The following TBXAS1 variants were observed in gnomAD, a reference collection of about 807,000 sequenced individuals.
TBXAS1 encodes the protein thromboxane-A synthase.
In TBXAS1, 48 loss-of-function variants were observed where a neutral mutation model predicts 60.7. The observed-to-expected ratio is 0.79, with a 90% CI of 0.63 to 1.01. The LOEUF (loss-of-function observed/expected upper bound fraction) is 1.01, where lower values mean the gene tolerates loss of function less well. Among genes scored for constraint, TBXAS1 ranks in the 50% least tolerant of loss-of-function variants. TBXAS1 has a pLI of 0.00. For missense variants in TBXAS1, 685 were observed against 686.3 expected, an observed-to-expected ratio of 1.00 and a Z score of 0.02; for synonymous variants, 287 against 269.7, an observed-to-expected ratio of 1.06 and a Z score of -0.63.
Position 139,905,088 on chromosome 7 carries a change from C to CCT in TBXAS1, c.237-6120_237-6119dup, listed in dbSNP as rs755696056. On this transcript the variant is annotated intron_variant, in intron 3 of 12. Coordinates refer to ENST00000448866, the MANE Select transcript of TBXAS1 (RefSeq NM_001061.7). ...CTCTCTCTCTCTCTTTCTCTTTCTC[C>CCT]CTCTCTCTCTCTCTCTCTTTCTTTC... 3.5e-3 allele frequency among the ~76,000 whole-genome samples: 364 copies of CCT among 105,386 alleles called. 3 individuals carry two copies. The highest frequency in any genetic ancestry group is 5.2e-3 in the Middle Eastern group (1 of 194). The allele number at this position is 105,386 out of a possible 152,430, so 69.1% of individuals were successfully genotyped here. A position where few individuals can be genotyped will look rare whatever the true frequency, so the allele number is the denominator to read the frequency against.
rs548880974 is a variant in TBXAS1 at position 139,984,358 on chromosome 7, G to T, written c.1134+22125G>T. On this transcript the variant is annotated intron_variant, in intron 9 of 12. Transcript: ENST00000448866. Reference sequence around the variant, plus strand: ...GCCATGTCAGAAACCTTAGATTCACGTCCCTTCCATGTGTCCCTTCCACAT... The same window carrying T: ...GCCATGTCAGAAACCTTAGATTCACTTCCCTTCCATGTGTCCCTTCCACAT... Among the ~76,000 whole-genome samples the T allele has an allele frequency of 4.6e-5, 7 of 151,348 alleles. No individual in the cohort carries two copies. In the East Asian group the frequency reaches 1.2e-3, roughly 25 times the overall value.
At chr7:139,917,257 G>A (rs940766233) in intron 4 of TBXAS1, among the ~76,000 whole-genome samples, 8 of 152,146 alleles carry the variant, frequency 5.3e-5, no homozygotes, top group African/African-American at 9.7e-5. Context: ...GCCTGCCCCC[G>A]TCTCTATTTT....
At chr7:139,803,203 G>A (rs891895516) in intron 4 of TBXAS1, among the ~76,000 whole-genome samples, 2 of 152,184 alleles carry the variant, frequency 1.3e-5, no homozygotes, top group African/African-American at 4.8e-5. Flanking sequence ...TGACTAAAAT[G>A]CTGATAGTGA....
chr7:139,912,472 A>G (rs1472228142), intron 4 of TBXAS1, among the ~76,000 whole-genome samples: 1 of 152,190 alleles, frequency 6.6e-6, no homozygotes, highest in Non-Finnish European at 1.5e-5. Context: ...CTCACTTTTC[A>G]TTCTTTTAGG....
chr7:139,984,984 C>G (rs1306147952), intron 9 of TBXAS1, among the ~76,000 whole-genome samples: 2 of 150,802 alleles, frequency 1.3e-5, no homozygotes, highest in African/African-American at 4.9e-5. Context: ...TTACCAGGAT[C>G]TGAGGACCTG....
At chr7:139,841,136 C>G (rs2267681) in intron 1 of TBXAS1, among the ~76,000 whole-genome samples, 71,588 of 152,070 alleles carry the variant, frequency 0.47, 17,883 homozygotes, top group East Asian at 0.89. Flanking sequence ...AATACAGAAG[C>G]AGCGTTTAGG....
At chr7:139,918,327 G>A (rs375329184) in intron 4 of TBXAS1, among the ~76,000 whole-genome samples, 13 of 152,094 alleles carry the variant, frequency 8.5e-5, no homozygotes, top group Non-Finnish European at 1.9e-4. Context: ...TCACGTGACC[G>A]TTGGCAGCCA....
chr7:139,959,006 T>A (rs1477164061), intron 8 of TBXAS1, among the ~76,000 whole-genome samples: 2 of 65,054 alleles, frequency 3.1e-5, no homozygotes, highest in South Asian at 5.9e-4. Flanking sequence ...TTTGAGAGTG[T>A]TCACACACAC....
chr7:139,898,091 G>C (rs1804252378), intron 3 of TBXAS1, among the ~76,000 whole-genome samples: 1 of 152,182 alleles, frequency 6.6e-6, no homozygotes, highest in Admixed American at 6.5e-5. Flanking sequence ...AAATGCCCAG[G>C]TACTCCCAGC....
intron 9 of TBXAS1, among the ~76,000 whole-genome samples, chr7:139,979,895 ACT>A (rs1811846595): frequency 6.6e-6 from 1 of 150,710 alleles, no homozygotes; most frequent in Admixed American, 6.6e-5. Flanking sequence ...TTAAAATAAA[ACT>A]CTGTCAATAT....
At chr7:139,883,295 C>T (rs1305337395) in intron 3 of TBXAS1, among the ~76,000 whole-genome samples, 2 of 152,204 alleles carry the variant, frequency 1.3e-5, no homozygotes, top group Non-Finnish European at 2.9e-5. Flanking sequence ...TGCTACAAAG[C>T]TTCCATGCTT....
At chr7:139,794,110 C>G (rs1177079640) in intron 4 of TBXAS1, among the ~76,000 whole-genome samples, 2 of 147,638 alleles carry the variant, frequency 1.4e-5, no homozygotes, top group South Asian at 2.1e-4. Context: ...TTTTTTTGGT[C>G]TGTTTATTTG....
chr7:139,901,260 A>T (rs1001900362), intron 3 of TBXAS1, among the ~76,000 whole-genome samples: 1 of 152,076 alleles, frequency 6.6e-6, no homozygotes, highest in Non-Finnish European at 1.5e-5. Context: ...GAGATTCATA[A>T]ACCAGCTCTG....
At chr7:139,966,338 T>C (rs535279474) in intron 9 of TBXAS1, among the ~76,000 whole-genome samples, 42 of 152,332 alleles carry the variant, frequency 2.8e-4, no homozygotes, top group African/African-American at 9.6e-4. Flanking sequence ...CAGACTCTTC[T>C]GTGGACAGTG....
chr7:139,984,776 G>GAAGAA (rs1812283988), intron 9 of TBXAS1, among the ~76,000 whole-genome samples: 1 of 36,930 alleles, frequency 2.7e-5, no homozygotes, highest in Non-Finnish European at 5.7e-5. Context: ...AGGAAAGAAA[G>GAAGAA]AAAGAAAAGA....
chr7:139,861,617 T>G (rs1226613158), intron 1 of TBXAS1, among the ~76,000 whole-genome samples: 1 of 152,184 alleles, frequency 6.6e-6, no homozygotes, highest in African/African-American at 2.4e-5. Flanking sequence ...ATGTAAGTTT[T>G]GCACAGGTAT....
chr7:139,939,280 C>T (rs935362102), intron 5 of TBXAS1, among the ~76,000 whole-genome samples: 1 of 144,246 alleles, frequency 6.9e-6, no homozygotes, highest in Non-Finnish European at 1.5e-5. Context: ...AGGAGAATCG[C>T]TTGAATCCAG....
chr7:139,820,949 G>A (rs999982365), intron 4 of TBXAS1, among the ~76,000 whole-genome samples: 2 of 152,196 alleles, frequency 1.3e-5, no homozygotes, highest in Admixed American at 6.5e-5. Context: ...AACCTTGCTC[G>A]TTCACTGTTC....
At chr7:139,788,420 G>A (rs1797268764) in intron 4 of TBXAS1, among the ~76,000 whole-genome samples, 2 of 152,132 alleles carry the variant, frequency 1.3e-5, no homozygotes, top group Admixed American at 1.3e-4. Context: ...TGTCTGTTTT[G>A]TTCACTGATA....
Sources: gnomAD v4.1 joint callset for allele counts (sites outside exome capture counted in the v4.1 genomes callset) on GRCh38, gnomAD v4.1.1 for gene constraint, MANE v1.5 for transcripts, NCBI Gene and HGNC (gene_info 2026-07-23, HGNC 2026-07-21) for gene names.